The following TRAF3IP2 variants were observed in gnomAD, a reference collection of about 807,000 sequenced individuals.
TRAF3IP2 encodes the protein TRAF3 interacting protein 2, also known as E3 ubiquitin ligase TRAF3IP2.
In TRAF3IP2, 35 loss-of-function variants were observed where a neutral mutation model predicts 57.9. The ratio of observed to expected loss-of-function variants is 0.60; its 90% CI spans 0.46 to 0.80. The LOEUF is 0.80. TRAF3IP2 is among the 30% of genes least tolerant of loss of function. TRAF3IP2 has a pLI of 0.00. For missense variants in TRAF3IP2, 556 were observed against 706.4 expected (o/e 0.79, Z 2.41); for synonymous variants, 251 against 268.9 (o/e 0.93, Z 0.65).
chr6:111,562,944 T>G, intron 8 of TRAF3IP2, 21 bp downstream of exon 8: 1 of 1,577,488 alleles, frequency 6.3e-7, no homozygotes, highest in Non-Finnish European at 8.7e-7. Context: ...TTATGAGGAT[T>G]TTGTTTCTTT....
intron 2 of TRAF3IP2, among the ~76,000 whole-genome samples, chr6:111,588,909 T>C (rs554184277): frequency 1.1e-4 from 16 of 152,262 alleles, no homozygotes; most frequent in African/African-American, 3.8e-4. Flanking sequence ...AGATTAAAAA[T>C]ATATGCAAAG....
At position 111,590,328 on chromosome 6, in the gene TRAF3IP2, G is replaced by A. The variant is rs574466918; in HGVS notation, c.829+930C>T. On this transcript the variant is annotated intron_variant, in intron 2 of 8. Transcript: ENST00000368761. Reference sequence around the variant, plus strand: ...CACGTACATAATTAGATGCCATGCTGGTGTTAGGTGTCCCAACAGGGCCAG... The same window carrying A: ...CACGTACATAATTAGATGCCATGCTAGTGTTAGGTGTCCCAACAGGGCCAG... 5.1e-3 allele frequency among the ~76,000 whole-genome samples: 771 copies of A among 152,264 alleles called. 5 individuals carry two copies. The highest frequency in any genetic ancestry group is 8.0e-3 in the Non-Finnish European group (542 of 68,022).
At chr6:111,597,273 C>A (rs145974675) in intron 1 of TRAF3IP2, among the ~76,000 whole-genome samples, 3 of 152,296 alleles carry the variant, frequency 2.0e-5, no homozygotes, top group African/African-American at 4.8e-5. Flanking sequence ...TGACCACAAC[C>A]CTTACTTGCA....
At chr6:111,579,101 C>T (rs548900249) in intron 3 of TRAF3IP2, among the ~76,000 whole-genome samples, 8 of 150,508 alleles carry the variant, frequency 5.3e-5, no homozygotes, top group Admixed American at 2.0e-4. Flanking sequence ...GAGGCCGAGG[C>T]GGGCAGATCA....
At chr6:111,605,620 T>A (rs966955113) in intron 1 of TRAF3IP2, among the ~76,000 whole-genome samples, 156 bp downstream of exon 1, 1 of 152,182 alleles carries the variant, frequency 6.6e-6, no homozygotes, top group African/African-American at 2.4e-5. Context: ...TTTTCTCAGC[T>A]AAGATGGTCT....
intron 5 of TRAF3IP2, among the ~76,000 whole-genome samples, chr6:111,568,487 G>A (rs1026311832): frequency 1.3e-5 from 1 of 77,458 alleles, no homozygotes; most frequent in Non-Finnish European, 2.6e-5. Context: ...GTGTGTGTGT[G>A]TGTACGTGCA....
chr6:111,573,819 A>G (rs1361376323), intron 4 of TRAF3IP2: 1 of 152,236 alleles, frequency 6.6e-6, no homozygotes, highest in Non-Finnish European at 1.5e-5. Context: ...GGAATGGACC[A>G]CTTAAATCTC....
At chr6:111,580,536 T>C (rs1201621036) in intron 2 of TRAF3IP2, 147 bp from the exon 3 acceptor site, 2 of 582,880 alleles carry the variant, frequency 3.4e-6, no homozygotes, top group African/African-American at 3.9e-5. Context: ...TTTGCCGTAT[T>C]TCTCTACTGT....
chr6:111,569,504 C>A (rs965947754), intron 5 of TRAF3IP2, among the ~76,000 whole-genome samples: 1 of 152,158 alleles, frequency 6.6e-6, no homozygotes, highest in African/African-American at 2.4e-5. Flanking sequence ...GTAATCCCAG[C>A]ACTTTGGGAG....
intron 4 of TRAF3IP2, chr6:111,574,122 C>T (rs1795909327): frequency 6.6e-6 from 1 of 152,058 alleles, no homozygotes; most frequent in Non-Finnish European, 1.5e-5. Context: ...CATCTGTTCT[C>T]CAGAAATGCT....
intron 1 of TRAF3IP2, chr6:111,601,305 G>A: frequency 1.5e-6 from 1 of 667,514 alleles, no homozygotes; most frequent in Non-Finnish European, 2.8e-6. Flanking sequence ...ATACAGATGA[G>A]GCTGCAGAGG....
At chr6:111,565,468 G>A (rs541577838) in intron 7 of TRAF3IP2, among the ~76,000 whole-genome samples, 5 of 152,286 alleles carry the variant, frequency 3.3e-5, no homozygotes, top group Admixed American at 1.3e-4. Context: ...CAACAAACAA[G>A]CCTGAGAAGT....
rs1795209481 is a variant in TRAF3IP2 at position 111,555,497 on chromosome 6, T to C, written c.*3908A>G. On this transcript the variant is annotated 3_prime_UTR_variant, in exon 9 of 9. Coordinates refer to ENST00000368761, the MANE Select transcript of TRAF3IP2 (RefSeq NM_147686.4). ...GTCTAATACTTTGATTGTAGCCATG[T>C]ACTGAGACCTCTTTGAACAATCTAG... Among the ~76,000 whole-genome samples, 1 of 152,240 alleles carries C rather than the reference T, an allele frequency of 6.6e-6. No individual in the cohort carries two copies.
chr6:111,571,915 A>C (rs1010437632), intron 5 of TRAF3IP2, among the ~76,000 whole-genome samples: 1 of 131,122 alleles, frequency 7.6e-6, no homozygotes, highest in African/African-American at 3.1e-5. Flanking sequence ...ACTCTGTCTC[A>C]AAAAAAAAAA....
At chr6:111,566,642 G>T in intron 6 of TRAF3IP2, 82 bp from the exon 7 acceptor site, 1 of 1,184,298 alleles carries the variant, frequency 8.4e-7, no homozygotes, top group Non-Finnish European at 1.3e-6. Context: ...GGGGTGGAGG[G>T]CCAGGCTCAT....
Position 111,592,113 on chromosome 6 carries a change from T to C in TRAF3IP2, c.-8-19A>G, listed in dbSNP as rs1796545697. 5.6e-6 allele frequency: 9 copies of C among 1,595,424 alleles called. No individual in the cohort carries two copies. The highest frequency in any genetic ancestry group is 6.9e-6 in the Non-Finnish European group (8 of 1,166,764). On this transcript the variant is annotated intron_variant, in intron 1 of 8. Coordinates refer to ENST00000368761, the MANE Select transcript of TRAF3IP2 (RefSeq NM_147686.4). ...CTAGTTTCTGGAACAAGAGAAAACA[T>C]GCTATAGCCTTAGAAGACAGATAAA...
In TRAF3IP2 at chr6:111,575,703, G is replaced by A. The variant is rs768260854; in HGVS notation, c.1141C>T (p.Pro381Ser). ...CCTCTGGCTGGAGGGTTGCTAGGGG[G>A]TCTAGGCACAGCAGCTGGGGACGGA... ...QPPSPAAVPR[P>S]PSNPPARGTL... The change falls in exon 4 of 9, where the codon CCC becomes TCC. Residue 381 changes from proline (P) to serine (S), a missense_variant. Around this residue, in one of 2 missense-constraint regions of TRAF3IP2, gnomAD observed 428 missense variants for 498.7 expected, o/e 0.86. Transcript: ENST00000368761. 3.7e-6 allele frequency: 6 copies of A among 1,613,320 alleles called. No homozygotes were observed. Among genetic ancestry groups the A allele is most frequent in the Admixed American group, 1.7e-5 (1 of 59,884 alleles).
intron 8 of TRAF3IP2, among the ~76,000 whole-genome samples, chr6:111,562,188 T>C (rs1356189394): frequency 6.6e-6 from 1 of 152,210 alleles, no homozygotes; most frequent in African/African-American, 2.4e-5. Context: ...GGCAGACCCT[T>C]CTGGTGTGAA....
At chr6:111,595,793 A>G (rs1444606148) in intron 1 of TRAF3IP2, among the ~76,000 whole-genome samples, 2 of 149,614 alleles carry the variant, frequency 1.3e-5, no homozygotes, top group East Asian at 2.0e-4. Flanking sequence ...GTGCCACTGC[A>G]CTCCAGCCTG....
Sources: gnomAD v4.1 joint callset for allele counts (sites outside exome capture counted in the v4.1 genomes callset) on GRCh38, gnomAD v4.1.1 for gene constraint, gnomAD v4.1.1 regional missense constraint, MANE v1.5 for transcripts, NCBI Gene and HGNC (gene_info 2026-07-23, HGNC 2026-07-21) for gene names.